NRXN3: variants seen among roughly 807,000 people sequenced by gnomAD.
NRXN3 encodes neurexin III.
Under a neutral mutation model 137.6 loss-of-function variants are expected in NRXN3, and 32 were observed. The observed-to-expected ratio is 0.23, with a 90% confidence interval of 0.18 to 0.31. The LOEUF (loss-of-function observed/expected upper bound fraction) is 0.31. Among genes scored for constraint, NRXN3 ranks in the 10% least tolerant of loss-of-function variants. NRXN3 has a pLI of 1.00. For synonymous variants in NRXN3, 798 were observed against 784.5 expected (o/e 1.02, Z -0.29); for missense variants, 1,574 against 2,062.5 (o/e 0.76, Z 4.59).
intron 15 of NRXN3, among the ~76,000 whole-genome samples, chr14:79,007,932 C>T (rs1256789027): frequency 6.6e-6 from 1 of 151,392 alleles, no homozygotes; most frequent in Non-Finnish European, 1.5e-5. Flanking sequence ...CTACTTACCT[C>T]TTAATCCTAT....
intron 10 of NRXN3, among the ~76,000 whole-genome samples, chr14:78,932,499 T>A (rs111958535): frequency 1.3e-5 from 2 of 152,096 alleles, no homozygotes; most frequent in African/African-American, 4.8e-5. Context: ...GGGATCAGAG[T>A]CTGATTGCAT....
rs570350077 is a variant in NRXN3 at position 79,649,335 on chromosome 14, A to T, written c.3445-14443A>T. 8.5e-5 allele frequency among the ~76,000 whole-genome samples: 13 copies of T among 152,280 alleles called. No homozygotes were observed. In the Middle Eastern group the frequency reaches 0.031, roughly 359 times the overall value. On this transcript the variant is annotated intron_variant, in intron 16 of 20. Transcript: ENST00000335750. ...AATCACTGTTCATCTAAACAGCTAAAGCTCTTCTCCTGATGGAAGAGGGAT... is the reference window on the plus strand; with the variant it reads ...AATCACTGTTCATCTAAACAGCTAATGCTCTTCTCCTGATGGAAGAGGGAT...
At chr14:79,213,509 A>G (rs1208364020) in intron 15 of NRXN3, among the ~76,000 whole-genome samples, 1 of 152,178 alleles carries the variant, frequency 6.6e-6, no homozygotes, top group Non-Finnish European at 1.5e-5. Flanking sequence ...AGAAACAATT[A>G]AAAGAACAAG....
chr14:79,707,193 G>A (rs112966996), intron 19 of NRXN3, among the ~76,000 whole-genome samples: 11 of 152,316 alleles, frequency 7.2e-5, no homozygotes, highest in Non-Finnish European at 1.5e-4. Flanking sequence ...TTAGAGCCTA[G>A]AATGGTGCCT....
chr14:79,726,218 A>G (rs1244823547), intron 19 of NRXN3, among the ~76,000 whole-genome samples: 1 of 152,194 alleles, frequency 6.6e-6, no homozygotes, highest in East Asian at 1.9e-4. Context: ...GACTTAGAGA[A>G]TTAAATGTAG....
chr14:79,567,336 G>A (rs1033995577), intron 16 of NRXN3, among the ~76,000 whole-genome samples: 14 of 151,870 alleles, frequency 9.2e-5, no homozygotes, highest in African/African-American at 3.4e-4. Context: ...TATCTGTACC[G>A]ATCAAAACTG....
chr14:79,001,392 A>G (rs1461295090), intron 15 of NRXN3, among the ~76,000 whole-genome samples: 1 of 152,200 alleles, frequency 6.6e-6, no homozygotes, highest in African/African-American at 2.4e-5. Context: ...CTTGGCTTTC[A>G]AGGTCTTCCA....
intron 4 of NRXN3, among the ~76,000 whole-genome samples, chr14:78,321,357 G>A (rs2079344690): frequency 6.6e-6 from 1 of 152,014 alleles, no homozygotes; most frequent in South Asian, 2.1e-4. Context: ...CACTGGTAAA[G>A]ACAGAACAAA....
intron 19 of NRXN3, among the ~76,000 whole-genome samples, chr14:79,727,780 A>C (rs374025603): frequency 2.6e-5 from 4 of 152,098 alleles, no homozygotes; most frequent in Non-Finnish European, 4.4e-5. Context: ...TGCTCTTCTC[A>C]TTGGCCTGGA....
intron 15 of NRXN3, among the ~76,000 whole-genome samples, chr14:79,133,555 A>G (rs1239190847): frequency 1.3e-5 from 2 of 152,162 alleles, no homozygotes; most frequent in Admixed American, 6.5e-5. Flanking sequence ...AGGTACATAT[A>G]TGTGTATAGA....
At chr14:79,463,230 A>G (rs971805930) in intron 15 of NRXN3, among the ~76,000 whole-genome samples, 2 of 152,212 alleles carry the variant, frequency 1.3e-5, no homozygotes, top group Non-Finnish European at 2.9e-5. Context: ...TATATTCCTC[A>G]TTCTCTTGAA....
chr14:78,539,725 C>T (rs1374441435), intron 4 of NRXN3, among the ~76,000 whole-genome samples: 4 of 152,166 alleles, frequency 2.6e-5, no homozygotes, highest in Non-Finnish European at 4.4e-5. Flanking sequence ...TAGATCCTTC[C>T]TGCTTTCTCT....
intron 1 of NRXN3, among the ~76,000 whole-genome samples, chr14:78,217,733 C>T (rs1218013241): frequency 6.6e-6 from 1 of 152,198 alleles, no homozygotes; most frequent in Non-Finnish European, 1.5e-5. Context: ...GCGATCTTGG[C>T]TCACTGCAAA....
intron 4 of NRXN3, among the ~76,000 whole-genome samples, chr14:78,503,536 C>G (rs2095920228): frequency 6.6e-6 from 1 of 152,106 alleles, no homozygotes; most frequent in South Asian, 2.1e-4. Flanking sequence ...AAAGCAATAA[C>G]TTGGGGTCAG....
At chr14:79,741,641 C>T (rs2098963533) in intron 19 of NRXN3, among the ~76,000 whole-genome samples, 1 of 151,988 alleles carries the variant, frequency 6.6e-6, no homozygotes, top group Non-Finnish European at 1.5e-5. Flanking sequence ...TGCATCACCA[C>T]ACTCAGCTAA....
intron 16 of NRXN3, among the ~76,000 whole-genome samples, chr14:79,641,323 A>C (rs1357818855): frequency 7.4e-6 from 1 of 135,460 alleles, no homozygotes; most frequent in East Asian, 2.0e-4. Flanking sequence ...TTTACTATAG[A>C]GTAAAAGTTG....
At chr14:78,778,519 G>A (rs2098752021) in intron 8 of NRXN3, among the ~76,000 whole-genome samples, 1 of 152,118 alleles carries the variant, frequency 6.6e-6, no homozygotes, top group Non-Finnish European at 1.5e-5. Flanking sequence ...TCCTAAAGCA[G>A]ATCTGAAATA....
rs566404983 is a variant in NRXN3, at chr14:79,642,985, ACT to A, written c.3445-20790_3445-20789del. On this transcript the variant is annotated intron_variant, in intron 16 of 20. Transcript: ENST00000335750. The stretch of plus-strand genomic sequence containing the variant: ...GAAATATATATCCTCTGAGTAGAAG[ACT>A]CTGCCAGCAGAACAAAATTCTTCTG... Among the ~76,000 whole-genome samples the A allele has an allele frequency of 2.0e-3, 278 of 135,680 alleles. 68 individuals are homozygous for A. Among genetic ancestry groups the A allele is most frequent in the Middle Eastern group, 7.6e-3 (2 of 264 alleles). The allele number at this position is 135,680 out of a possible 152,430, so 89.0% of individuals were successfully genotyped here.
intron 16 of NRXN3, among the ~76,000 whole-genome samples, chr14:79,501,983 T>C (rs1163649151): frequency 6.6e-6 from 1 of 152,226 alleles, no homozygotes; most frequent in African/African-American, 2.4e-5. Flanking sequence ...CAAGGCTAGA[T>C]GTTGATCCTT....
Sources: gnomAD v4.1 joint callset for allele counts (sites outside exome capture counted in the v4.1 genomes callset) on GRCh38, gnomAD v4.1.1 for gene constraint, MANE v1.5 for transcripts, NCBI Gene and HGNC (gene_info 2026-07-23, HGNC 2026-07-21) for gene names.